Variants in EMC10 observed in about 807,000 individuals in gnomAD.
EMC10 encodes the protein UPF0510 protein INM02.
EMC10 carries 40 observed loss-of-function variants against 32.2 expected under a neutral mutation model. That is an observed-to-expected ratio of 1.24 (90% CI 0.96 to 1.61). EMC10 has a LOEUF of 1.61. Ranked by LOEUF, EMC10 falls within the 40% of genes most tolerant of loss-of-function variation. The pLI, the probability that EMC10 is intolerant of heterozygous loss-of-function variation, is 0.00. For synonymous variants in EMC10, 178 were observed against 158.4 expected (o/e 1.12, Z -0.93); for missense variants, 402 against 357.7 (o/e 1.12, Z -1.00).
intron 6 of EMC10, 38 bp from the exon 7 acceptor site, chr19:50,482,111 T>C (rs375681224): frequency 3.8e-4 from 526 of 1,388,822 alleles, no homozygotes; most frequent in Non-Finnish European, 5.2e-4. Flanking sequence ...CTCTCTCTCT[T>C]TCTGTGTCTG....
At position 50,485,748 on chromosome 19, in the gene EMC10, C is replaced by T. The variant is rs780146523; in HGVS notation, c.*3489C>T. On this transcript the variant is annotated 3_prime_UTR_variant, in exon 7 of 7. Coordinates refer to ENST00000334976, the MANE Select transcript of EMC10 (RefSeq NM_206538.4). ...GAGAGCTTCCTGACACTAGAGCTGA[C>T]CTCACTACTCCCCTGCTCACAGCCC... 6.8e-6 allele frequency: 1 copy of T among 146,326 alleles called. No homozygotes were observed. Among genetic ancestry groups the T allele is most frequent in the Admixed American group, 7.0e-5 (1 of 14,370 alleles). 9.1% of individuals were successfully genotyped at this position (146,326 alleles called of 1,614,324 possible). A position where few individuals can be genotyped will look rare whatever the true frequency, so the allele number is the denominator to read the frequency against.
intron 6 of EMC10, 36 bp from the exon 7 acceptor site, chr19:50,482,113 C>CTG (rs1568687348): frequency 7.1e-7 from 1 of 1,402,094 alleles, no homozygotes; most frequent in African/African-American, 1.4e-5. Context: ...CTCTCTCTTT[C>CTG]TGTGTCTGTC....
At position 50,480,224 on chromosome 19, in the gene EMC10, G is replaced by A. The variant is rs1236392975; in HGVS notation, c.402+9G>A. On this transcript the variant is annotated intron_variant, in intron 4 of 6. Coordinates refer to ENST00000334976, the MANE Select transcript of EMC10 (RefSeq NM_206538.4). The surrounding 1 kb of genome is among the most constrained non-coding windows in gnomAD (Gnocchi z 4.4). Reference sequence around the variant, plus strand: ...CCTCCTTTGTCCCTGCGGTGAGTTGGTGTCGGGGATGAGCCCCCTTCTCCC... The same window carrying A: ...CCTCCTTTGTCCCTGCGGTGAGTTGATGTCGGGGATGAGCCCCCTTCTCCC... The A allele has an allele frequency of 5.0e-6, 8 of 1,611,290 alleles. No homozygotes were observed. In the East Asian group the frequency reaches 1.3e-4, roughly 27 times the overall value.
Position 50,480,245 on chromosome 19 carries a change from C to G in EMC10, c.402+30C>G. 6.4e-7 allele frequency: 1 copy of G among 1,574,254 alleles called. No homozygotes were observed. The highest frequency in any genetic ancestry group is 8.7e-7 in the Non-Finnish European group (1 of 1,149,276). ...GTTGGTGTCGGGGATGAGCCCCCTT[C>G]TCCCTCGTCCTCCTCATCCCCTACC... On this transcript the variant is annotated intron_variant, in intron 4 of 6. Transcript: ENST00000334976. This position sits in a 1 kb window ranked among gnomAD's most constrained non-coding sequence, Gnocchi z 4.4.
chr19:50,476,718 C>G (rs1472252508), intron 1 of EMC10, 60 bp downstream of exon 1: 2 of 1,099,820 alleles, frequency 1.8e-6, no homozygotes, highest in Non-Finnish European at 2.5e-6. Context: ...GGTCTTGGGT[C>G]TTTAGGTGAG....
In EMC10 at chr19:50,476,524, C is replaced by T. The variant is rs577674823; in HGVS notation, c.-21C>T. The T allele has an allele frequency of 5.9e-5, 92 of 1,569,322 alleles. No homozygotes were observed. In the East Asian group the frequency reaches 2.0e-3, roughly 33 times the overall value. On this transcript the variant is annotated 5_prime_UTR_variant, in exon 1 of 7. Coordinates refer to ENST00000334976, the MANE Select transcript of EMC10 (RefSeq NM_206538.4). Reference sequence around the variant, plus strand: ...GGCTCTTGGCTCACAGCCGTCCCTTCGCTGGTGGGAAGAAGCCGAGATGGC... The same window carrying T: ...GGCTCTTGGCTCACAGCCGTCCCTTTGCTGGTGGGAAGAAGCCGAGATGGC...
At position 50,480,684 on chromosome 19, in the gene EMC10, G is replaced by T. The variant is rs199539725; in HGVS notation, c.506G>T (p.Arg169Leu). ...GTGGTGACGCACCCCGGGGGCTGCC[G>T]GGGCCATGAGGTGGAGGACGTGGAC... The part of the protein sequence containing the change: ...VSVVTHPGGC[R>L]GHEVEDVDLE... The change falls in exon 5 of 7, where the codon CGG becomes CTG. Residue 169 changes from arginine (R) to leucine (L), a missense_variant. Arg to Leu is a moderately radical substitution (Grantham distance 102, BLOSUM62 -2). Transcript: ENST00000334976. This position sits in a 1 kb window ranked among gnomAD's most constrained non-coding sequence, Gnocchi z 4.4. 1 of 1,602,356 alleles carries T rather than the reference G, an allele frequency of 6.2e-7. No homozygotes were observed. Among genetic ancestry groups the T allele is most frequent in the East Asian group, 2.3e-5 (1 of 44,364 alleles).
At position 50,487,093 on chromosome 19, in the gene EMC10, G is replaced by C. The variant is rs1292393978; in HGVS notation, c.*4834G>C. The stretch of plus-strand genomic sequence containing the variant: ...AATGGAGGGAAGTGTCCTGCAGGGG[G>C]CGCTGTTGGTCCTTCAGGCAAGGTC... On this transcript the variant is annotated 3_prime_UTR_variant, in exon 7 of 7. Coordinates refer to ENST00000334976, the MANE Select transcript of EMC10 (RefSeq NM_206538.4). 6.6e-6 allele frequency: 1 copy of C among 152,152 alleles called. No homozygotes were observed. The highest frequency in any genetic ancestry group is 1.5e-5 in the Non-Finnish European group (1 of 68,018). The allele number at this position is 152,152 out of a possible 1,614,324, so 9.4% of individuals were successfully genotyped here. A position where few individuals can be genotyped will look rare whatever the true frequency, so the allele number is the denominator to read the frequency against.
In EMC10 at chr19:50,488,819, G is replaced by C. The variant is rs898157764; in HGVS notation, c.*6560G>C. 6.6e-6 allele frequency: 1 copy of C among 151,554 alleles called. No individual in the cohort carries two copies. The highest frequency in any genetic ancestry group is 1.5e-5 in the Non-Finnish European group (1 of 68,056). The allele number at this position is 151,554 out of a possible 1,614,324, so 9.4% of individuals were successfully genotyped here. On this transcript the variant is annotated 3_prime_UTR_variant, in exon 7 of 7. Transcript: ENST00000334976. ...AGAATCTGCTAGAAGGGAGAGAGGA[G>C]AGAGAAGAGCCGGACAGGGAGAGCA...
intron 6 of EMC10, chr19:50,481,239 T>C: frequency 2.2e-6 from 1 of 444,530 alleles, no homozygotes. Context: ...GCCATGAGGC[T>C]GGAGAGGAAG....
At chr19:50,479,919 C>T (rs948332033) in intron 3 of EMC10, among the ~76,000 whole-genome samples, 192 bp from the exon 4 acceptor site, 1 of 152,210 alleles carries the variant, frequency 6.6e-6, no homozygotes, top group Non-Finnish European at 1.5e-5. Context: ...CCAGCTGCTC[C>T]TGGCCTCACC....
intron 6 of EMC10, 26 bp downstream of exon 6, chr19:50,481,003 T>C: frequency 1.3e-6 from 2 of 1,568,788 alleles, no homozygotes; most frequent in Non-Finnish European, 1.7e-6. Flanking sequence ...CCGCCTCCCC[T>C]ATTCCCTTCC....
In EMC10 at chr19:50,486,138, C is replaced by G. The variant is rs1978343951; in HGVS notation, c.*3879C>G. On this transcript the variant is annotated 3_prime_UTR_variant, in exon 7 of 7. Coordinates refer to ENST00000334976, the MANE Select transcript of EMC10 (RefSeq NM_206538.4). ...ATTTAGTATTTTGTAAAATTCTTTA[C>G]TAACCCCAAATTGTCTACTGGAAAC... 2 of 152,172 alleles carry G rather than the reference C, an allele frequency of 1.3e-5. No individual in the cohort carries two copies. The allele number at this position is 152,172 out of a possible 1,614,324, so 9.4% of individuals were successfully genotyped here. A position where few individuals can be genotyped will look rare whatever the true frequency, so the allele number is the denominator to read the frequency against.
intron 1 of EMC10, chr19:50,476,928 C>T (rs969741883): frequency 5.5e-6 from 2 of 364,510 alleles, no homozygotes; most frequent in Admixed American, 4.5e-5. Context: ...GGTGTGGAAT[C>T]TTGGAGAATC....
In EMC10 at chr19:50,481,990, C is replaced by G. The variant is rs773316671; in HGVS notation, c.679-159C>G. ...TGCCCCTCCCTGCGCCCCACTGGCC[C>G]TCCCTGACCTGTAGTGACGTAGGGG... On this transcript the variant is annotated intron_variant, in intron 6 of 6. Transcript: ENST00000334976. 3.1e-6 allele frequency: 5 copies of G among 1,603,728 alleles called. No individual in the cohort carries two copies. In the Admixed American group the frequency reaches 6.8e-5, roughly 22 times the overall value.
At position 50,482,238 on chromosome 19, in the gene EMC10, T is replaced by TG; in HGVS notation, c.770dup (p.Gly258TrpfsTer3). The TG allele has an allele frequency of 1.0e-5, 1 of 96,944 alleles. No individual in the cohort carries two copies. Among genetic ancestry groups the TG allele is most frequent in the East Asian group, 3.3e-4 (1 of 3,046 alleles). The allele number at this position is 96,944 out of a possible 1,614,324, so 6.0% of individuals were successfully genotyped here. On this transcript the variant is annotated frameshift_variant, in exon 7 of 7. Coordinates refer to ENST00000334976, the MANE Select transcript of EMC10 (RefSeq NM_206538.4). LOFTEE classifies it high-confidence loss of function. Reference sequence around the variant, plus strand: ...AGGGTGGGGGTGGGGGTGGGGGTGGTGGTGGGGGTAGTGGCCGGTGAGGGC... The same window carrying TG: ...AGGGTGGGGGTGGGGGTGGGGGTGGTGGGTGGGGGTAGTGGCCGGTGAGGGC...
chr19:50,481,295 G>A lies in EMC10; in HGVS notation c.678+318G>A, dbSNP rs551272059. Reference sequence around the variant, plus strand: ...GGAACCAGGGAGGCTTGGAAAGGAGGGGCGAGCAGGTTCTTCAGGGGGTTG... The same window carrying A: ...GGAACCAGGGAGGCTTGGAAAGGAGAGGCGAGCAGGTTCTTCAGGGGGTTG... On this transcript the variant is annotated intron_variant, in intron 6 of 6. Coordinates refer to ENST00000334976, the MANE Select transcript of EMC10 (RefSeq NM_206538.4). 2.8e-5 allele frequency: 9 copies of A among 324,754 alleles called. No individual in the cohort carries two copies. The East Asian group carries it at 5.3e-4, about 19-fold the overall frequency. The allele number at this position is 324,754 out of a possible 1,614,324, so 20.1% of individuals were successfully genotyped here.
Position 50,476,643 on chromosome 19 carries a change from G to A in EMC10, c.99G>A (p.Gly33=), listed in dbSNP as rs762886278. 1.0e-4 allele frequency: 155 copies of A among 1,540,476 alleles called. No homozygotes were observed. The Middle Eastern group carries it at 2.3e-3, about 23-fold the overall frequency. Reference sequence around the variant, plus strand: ...CCCGGGGCAGCGGCTGCCGGGCCGGGACTGGTGCGCGAGGGGTGAGTGCTC... The same window carrying A: ...CCCGGGGCAGCGGCTGCCGGGCCGGAACTGGTGCGCGAGGGGTGAGTGCTC... ...SRARGSGCRA[G]TGARGAGAEG... is the part of the protein sequence containing the mutation. The change falls in exon 1 of 7, where the codon GGG becomes GGA. Residue 33 remains glycine, a synonymous_variant. Transcript: ENST00000334976.
chr19:50,480,916 A>G lies in EMC10; in HGVS notation c.617A>G (p.Glu206Gly). 1.2e-6 allele frequency: 2 copies of G among 1,612,104 alleles called. No homozygotes were observed. The highest frequency in any genetic ancestry group is 1.7e-6 in the Non-Finnish European group (2 of 1,178,588). The change falls in exon 6 of 7, where the codon GAG becomes GGG. Residue 206 changes from glutamate to glycine, a missense_variant. Transcript: ENST00000334976. This position sits in a 1 kb window ranked among gnomAD's most constrained non-coding sequence, Gnocchi z 4.4. ...ACGGCGGCCTTCATTGAGCGCCTGG[A>G]GATGGAACAGGCCCAGAAGGCCAAG... ...PETAAFIERL[E>G]MEQAQKAKNP... is the part of the protein sequence containing the mutation.
Sources: gnomAD v4.1 joint callset for allele counts (sites outside exome capture counted in the v4.1 genomes callset) on GRCh38, gnomAD v4.1.1 for gene constraint, Gnocchi (gnomAD v3.1) non-coding constraint, MANE v1.5 for transcripts, NCBI Gene and HGNC (gene_info 2026-07-23, HGNC 2026-07-21) for gene names.